Variants in PLA1A observed in about 807,000 individuals in gnomAD.
PLA1A encodes phospholipase A1 member A.
Under a neutral mutation model 49.4 loss-of-function variants are expected in PLA1A, and 47 were observed. The observed-to-expected ratio is 0.95, with a 90% CI of 0.75 to 1.21. The LOEUF (loss-of-function observed/expected upper bound fraction) is 1.21. Ranked by LOEUF, PLA1A falls within the 50% of genes most tolerant of loss-of-function variation. PLA1A has a pLI of 0.00. For synonymous variants in PLA1A, 224 were observed against 207.9 expected (o/e 1.08, Z -0.67); for missense variants, 561 against 563.9 (o/e 0.99, Z 0.05).
In PLA1A at chr3:119,629,665, C is replaced by T. The variant is rs1577160289; in HGVS notation, c.*197C>T. On this transcript the variant is annotated 3_prime_UTR_variant, in exon 11 of 11. Coordinates refer to ENST00000273371, the MANE Select transcript of PLA1A (RefSeq NM_015900.4). ...TTTTACAGAACTTGGTTTCCTTTGC[C>T]GATCTTATGTACATACCCATTTTAG... is the stretch of plus-strand genomic sequence containing the variant. The T allele has an allele frequency of 1.0e-5, 6 of 572,036 alleles. No individual in the cohort carries two copies. Among genetic ancestry groups the T allele is most frequent in the African/African-American group, 1.9e-5 (1 of 53,540 alleles). 35.4% of individuals were successfully genotyped at this position (572,036 alleles called of 1,614,324 possible).
intron 9 of PLA1A, among the ~76,000 whole-genome samples, chr3:119,627,616 G>A (rs891086951): frequency 2.1e-5 from 3 of 142,416 alleles, no homozygotes; most frequent in African/African-American, 8.7e-5. Context: ...GGCAAGGGTG[G>A]TTCCCCACAC....
intron 7 of PLA1A, 123 bp from the exon 8 acceptor site, chr3:119,619,440 C>T (rs115833860): frequency 0.039 from 28,118 of 723,832 alleles, 788 homozygotes; most frequent in Middle Eastern, 0.12. Flanking sequence ...GCACATAGTG[C>T]GTGTATGGTG....
At position 119,613,047 on chromosome 3, in the gene PLA1A, G is replaced by A. The variant is rs1194707798; in HGVS notation, c.593G>A (p.Arg198Lys). Residue 198 changes from arginine to lysine, a missense_variant, in exon 5 of 11, where the codon AGG becomes AAG. By Grantham distance (26) the Arg-to-Lys change is conservative. Coordinates refer to ENST00000273371, the MANE Select transcript of PLA1A (RefSeq NM_015900.4). ...GACCCCGCTGGACCTGAGTACACCA[G>A]GGCCAGTGTGGAAGAGCGCTTGGAT... ...GLDPAGPEYT[R>K]ASVEERLDAG... The A allele has an allele frequency of 6.2e-7, 1 of 1,606,584 alleles. No individual in the cohort carries two copies. Among genetic ancestry groups the A allele is most frequent in the East Asian group, 2.2e-5 (1 of 44,664 alleles).
chr3:119,626,181 G>A (rs200314402), intron 9 of PLA1A, among the ~76,000 whole-genome samples: 3 of 152,198 alleles, frequency 2.0e-5, no homozygotes, highest in East Asian at 3.9e-4. Context: ...CACAGGGAAG[G>A]CTGCTTGGCA....
At chr3:119,615,646 T>C (rs144832995) in intron 5 of PLA1A, among the ~76,000 whole-genome samples, 48 of 151,918 alleles carry the variant, frequency 3.2e-4, no homozygotes, top group Middle Eastern at 3.4e-3. Context: ...ACCCTGTCTC[T>C]ACTAAAAAAA....
chr3:119,600,563 C>T (rs2082605320), intron 1 of PLA1A, among the ~76,000 whole-genome samples: 1 of 152,188 alleles, frequency 6.6e-6, no homozygotes, highest in Non-Finnish European at 1.5e-5. Flanking sequence ...CCTTGAATCC[C>T]CAGAGCCTCA....
chr3:119,614,896 A>C (rs960568905), intron 5 of PLA1A, among the ~76,000 whole-genome samples: 1 of 152,218 alleles, frequency 6.6e-6, no homozygotes, highest in African/African-American at 2.4e-5. Flanking sequence ...GGAAGCCCGG[A>C]TGCCCATTAG....
intron 8 of PLA1A, among the ~76,000 whole-genome samples, chr3:119,621,034 C>T (rs765470457): frequency 4.6e-5 from 7 of 152,218 alleles, no homozygotes; most frequent in Non-Finnish European, 8.8e-5. Flanking sequence ...TCTGTCAGCG[C>T]CACCCCATCT....
chr3:119,600,166 C>T, intron 1 of PLA1A: 1 of 529,706 alleles, frequency 1.9e-6, no homozygotes, highest in Non-Finnish European at 3.4e-6. Context: ...ATCCAGGTGC[C>T]TGCTGTCACA....
At chr3:119,617,964 C>T in intron 6 of PLA1A, 55 bp from the exon 7 acceptor site, 2 of 1,376,580 alleles carry the variant, frequency 1.5e-6, no homozygotes, top group East Asian at 2.4e-5. Flanking sequence ...CACTAAACAG[C>T]ATAGATTTCC....
chr3:119,627,559 C>A (rs2052559354), intron 9 of PLA1A, among the ~76,000 whole-genome samples: 1 of 152,188 alleles, frequency 6.6e-6, no homozygotes, highest in Non-Finnish European at 1.5e-5. Flanking sequence ...CACAAAGAGG[C>A]CCTATCACCA....
chr3:119,598,095 C>T (rs2082565769), intron 1 of PLA1A, 109 bp downstream of exon 1: 1 of 629,772 alleles, frequency 1.6e-6, no homozygotes, highest in East Asian at 3.1e-5. Flanking sequence ...AGCCTTTTGC[C>T]TCTTCTGAGG....
At chr3:119,624,064 T>C (rs528024077) in intron 8 of PLA1A, among the ~76,000 whole-genome samples, 3 of 152,322 alleles carry the variant, frequency 2.0e-5, no homozygotes, top group South Asian at 2.1e-4. Flanking sequence ...AGTCTACTTG[T>C]GCTACTATGA....
intron 9 of PLA1A, among the ~76,000 whole-genome samples, 176 bp from the exon 10 acceptor site, chr3:119,628,525 C>G (rs1203630409): frequency 6.6e-6 from 1 of 152,208 alleles, no homozygotes; most frequent in Non-Finnish European, 1.5e-5. Context: ...ATATTCAAAG[C>G]TGTAGGTGTG....
chr3:119,620,712 A>C (rs2082917427), intron 8 of PLA1A, among the ~76,000 whole-genome samples: 1 of 152,226 alleles, frequency 6.6e-6, no homozygotes. Flanking sequence ...ATTTGGGAGA[A>C]GAATAGTTAG....
chr3:119,615,636 A>G (rs1577147095), intron 5 of PLA1A, among the ~76,000 whole-genome samples: 1 of 151,810 alleles, frequency 6.6e-6, no homozygotes, highest in Non-Finnish European at 1.5e-5. Flanking sequence ...ACATGGTGAA[A>G]CCCTGTCTCT....
In PLA1A at chr3:119,625,125, G is replaced by T; in HGVS notation, c.1014G>T (p.Met338Ile). The T allele has an allele frequency of 6.2e-7, 1 of 1,606,410 alleles. No individual in the cohort carries two copies. Among genetic ancestry groups the T allele is most frequent in the East Asian group, 2.2e-5 (1 of 44,832 alleles). Residue 338 changes from methionine to isoleucine, a missense_variant and splice_region_variant, in exon 9 of 11, where the codon ATG becomes ATT. Physicochemically the swap from Met to Ile is conservative, Grantham distance 10 (BLOSUM62 1). Transcript: ENST00000273371. ...CTCTGTTGTGCTTTGGTTTCCTAGT[G>T]CATCACAGCCTCGTGGAGTTTCACT... is the stretch of plus-strand genomic sequence containing the variant. ...LLTTSSAPYC[M>I]HHSLVEFHLK...
chr3:119,610,884 C>T (rs2082755586), intron 4 of PLA1A, among the ~76,000 whole-genome samples: 1 of 152,092 alleles, frequency 6.6e-6, no homozygotes, highest in South Asian at 2.1e-4. Flanking sequence ...AAATGCTTTG[C>T]CTAGGCTAAT....
At chr3:119,622,400 T>C (rs1236615096) in intron 8 of PLA1A, among the ~76,000 whole-genome samples, 1 of 152,226 alleles carries the variant, frequency 6.6e-6, no homozygotes, top group Non-Finnish European at 1.5e-5. Flanking sequence ...TAACAATTGA[T>C]ATCCCATAGT....
Sources: gnomAD v4.1 joint callset for allele counts (sites outside exome capture counted in the v4.1 genomes callset) on GRCh38, gnomAD v4.1.1 for gene constraint, MANE v1.5 for transcripts, NCBI Gene and HGNC (gene_info 2026-07-23, HGNC 2026-07-21) for gene names.